The following SORCS1 variants were observed in gnomAD, a reference collection of about 807,000 sequenced individuals.
The protein encoded by SORCS1 is sortilin related VPS10 domain containing receptor 1.
Under a neutral mutation model 146.1 loss-of-function variants are expected in SORCS1, and 60 were observed. The ratio of observed to expected loss-of-function variants is 0.41; its 90% confidence interval spans 0.33 to 0.51. The LOEUF is 0.51. SORCS1 is among the 20% of genes least tolerant of loss of function. The pLI is 0.21. For synonymous variants in SORCS1, 637 were observed against 584.0 expected, an observed-to-expected ratio of 1.09 and a Z score of -1.31; for missense variants, 1,352 against 1,487.6, an observed-to-expected ratio of 0.91 and a Z score of 1.50.
chr10:107,135,000 C>T (rs1258011613), intron 1 of SORCS1, among the ~76,000 whole-genome samples: 1 of 152,176 alleles, frequency 6.6e-6, no homozygotes, highest in Admixed American at 6.5e-5. Flanking sequence ...CCATAAACTC[C>T]ATGTGGGTGA....
chr10:106,999,430 A>G (rs779907466), intron 1 of SORCS1, among the ~76,000 whole-genome samples: 4 of 152,258 alleles, frequency 2.6e-5, no homozygotes, highest in Non-Finnish European at 4.4e-5. Context: ...CATCAGAGCC[A>G]CATCAAAAAG....
In SORCS1 at chr10:106,850,332, G is replaced by T. The variant is rs149400794; in HGVS notation, c.627-20659C>A. ...GGTCTGAAAAGCGCAATATTCGGGT[G>T]GGAGTGACCCGATTTTCCAGGTGCG... On this transcript the variant is annotated intron_variant, in intron 2 of 25. Transcript: ENST00000263054. Among the ~76,000 whole-genome samples the T allele has an allele frequency of 7.3e-3, 1,105 of 152,188 alleles. 75 individuals are homozygous for T. The East Asian group carries it at 0.16, about 22-fold the overall frequency.
intron 1 of SORCS1, among the ~76,000 whole-genome samples, chr10:107,046,368 G>A (rs1959444061): frequency 6.6e-6 from 1 of 151,812 alleles, no homozygotes; most frequent in South Asian, 2.1e-4. Context: ...GACTGTATGT[G>A]GCCACATTAA....
chr10:106,810,548 T>C (rs1947404660), intron 3 of SORCS1, among the ~76,000 whole-genome samples: 1 of 152,202 alleles, frequency 6.6e-6, no homozygotes, highest in African/African-American at 2.4e-5. Context: ...AGTGGAACTT[T>C]TGAAAAACAA....
intron 1 of SORCS1, among the ~76,000 whole-genome samples, chr10:107,151,867 G>C (rs1394434563): frequency 2.6e-5 from 4 of 152,196 alleles, no homozygotes; most frequent in Non-Finnish European, 5.9e-5. Flanking sequence ...ATTCAAGCTT[G>C]CTGGAGAAAG....
chr10:106,701,397 T>C (rs183479445), intron 8 of SORCS1, among the ~76,000 whole-genome samples: 167 of 152,310 alleles, frequency 1.1e-3, no homozygotes, highest in African/African-American at 3.3e-3. Context: ...AGCAACTGAA[T>C]AGGTGATGGG....
intron 1 of SORCS1, among the ~76,000 whole-genome samples, chr10:107,065,556 C>A (rs376714540): frequency 7.0e-6 from 1 of 142,646 alleles, no homozygotes; most frequent in African/African-American, 2.7e-5. Context: ...CTGGCTCAGT[C>A]ACCCAGGCTA....
chr10:106,894,261 G>C (rs898233497), intron 2 of SORCS1, among the ~76,000 whole-genome samples: 2 of 138,302 alleles, frequency 1.4e-5, no homozygotes, highest in African/African-American at 5.6e-5. Context: ...GTGCGCGCGC[G>C]CACGTGTGCG....
chr10:107,001,220 A>G (rs1039943295), intron 1 of SORCS1, among the ~76,000 whole-genome samples: 9 of 152,178 alleles, frequency 5.9e-5, no homozygotes, highest in African/African-American at 2.2e-4. Context: ...TGTGACAGGG[A>G]TTGTTGTAAA....
At chr10:106,863,579 T>A (rs1478999371) in intron 2 of SORCS1, among the ~76,000 whole-genome samples, 2 of 146,210 alleles carry the variant, frequency 1.4e-5, no homozygotes, top group Non-Finnish European at 1.5e-5. Context: ...CCTCATGAAA[T>A]AGAGATGATT....
Position 107,092,896 on chromosome 10 carries a change from A to AC in SORCS1, c.558+71072_558+71073insG, listed in dbSNP as rs1284971385. 8.6e-5 allele frequency among the ~76,000 whole-genome samples: 13 copies of AC among 151,806 alleles called. No homozygotes were observed. The East Asian group carries it at 1.7e-3, about 20-fold the overall frequency. On this transcript the variant is annotated intron_variant, in intron 1 of 25. Transcript: ENST00000263054. ...AAAGAAGACCATGAAAAAAAAAAAAAAAAAAAAAAACCTTACTGCTTCATG... is the reference window on the plus strand; with the variant it reads ...AAAGAAGACCATGAAAAAAAAAAAAACAAAAAAAAAACCTTACTGCTTCATG...
At chr10:106,635,463 G>T (rs183928140) in intron 18 of SORCS1, among the ~76,000 whole-genome samples, 1 of 152,128 alleles carries the variant, frequency 6.6e-6, no homozygotes, top group Non-Finnish European at 1.5e-5. Context: ...GTGTTTGTGC[G>T]AGTACAGAGA....
At chr10:106,679,204 C>A in intron 12 of SORCS1, 52 bp downstream of exon 12, 2 of 1,458,474 alleles carry the variant, frequency 1.4e-6, no homozygotes, top group Non-Finnish European at 1.9e-6. Context: ...CCAAGCTGGG[C>A]AATTTTTATG....
At chr10:106,861,483 T>C (rs1300895897) in intron 2 of SORCS1, among the ~76,000 whole-genome samples, 1 of 152,024 alleles carries the variant, frequency 6.6e-6, no homozygotes, top group Non-Finnish European at 1.5e-5. Flanking sequence ...TCCTAGCTTT[T>C]CCATCAAAAC....
At position 107,035,439 on chromosome 10, in the gene SORCS1, C is replaced by T. The variant is rs368204563; in HGVS notation, c.559-78859G>A. Among the ~76,000 whole-genome samples, 13 of 152,152 alleles carry T rather than the reference C, an allele frequency of 8.5e-5. No individual in the cohort carries two copies. In the East Asian group the frequency reaches 1.7e-3, roughly 20 times the overall value. On this transcript the variant is annotated intron_variant, in intron 1 of 25. Coordinates refer to ENST00000263054, the MANE Select transcript of SORCS1 (RefSeq NM_052918.5). ...CACCTGAACCCCGCAGCTTAGTGCC[C>T]TACCATTCAAGCAACGCCATACCAG... is the stretch of plus-strand genomic sequence containing the variant.
chr10:106,665,439 C>T (rs1851059003), intron 17 of SORCS1, among the ~76,000 whole-genome samples: 1 of 149,458 alleles, frequency 6.7e-6, no homozygotes, highest in South Asian at 2.1e-4. Flanking sequence ...TCCAGGGTGG[C>T]CTTGAACTCC....
intron 2 of SORCS1, among the ~76,000 whole-genome samples, chr10:106,834,585 A>T (rs1306418011): frequency 6.6e-6 from 1 of 152,220 alleles, no homozygotes; most frequent in Admixed American, 6.5e-5. Flanking sequence ...TAATTTCGTA[A>T]GAAAGAGGAA....
chr10:107,181,037 A>G, the SORCS1 span, among the ~76,000 whole-genome samples: 1 of 152,204 alleles, frequency 6.6e-6, no homozygotes, highest in Non-Finnish European at 1.5e-5. Context: ...AATATTATAA[A>G]ATAGTAAAAC....
At chr10:106,634,243 T>G (rs1159432393) in intron 18 of SORCS1, among the ~76,000 whole-genome samples, 1 of 152,204 alleles carries the variant, frequency 6.6e-6, no homozygotes, top group Non-Finnish European at 1.5e-5. Context: ...CCGGCGGGGC[T>G]AGGAAGTGTC....
Sources: gnomAD v4.1 joint callset for allele counts (sites outside exome capture counted in the v4.1 genomes callset) on GRCh38, gnomAD v4.1.1 for gene constraint, MANE v1.5 for transcripts, NCBI Gene and HGNC (gene_info 2026-07-23, HGNC 2026-07-21) for gene names.